KANSL2: variants seen among roughly 807,000 people sequenced by gnomAD.
KANSL2 encodes the protein KAT8 regulatory NSL complex subunit 2, also known as NSL complex protein NSL2.
In KANSL2, 34 loss-of-function variants were observed where a neutral mutation model predicts 55.6. The observed-to-expected ratio is 0.61, with a 90% CI of 0.46 to 0.81. The LOEUF is 0.81. Ranked by LOEUF, KANSL2 falls within the 40% of genes least tolerant of loss-of-function variation. The pLI, the probability that KANSL2 is intolerant of heterozygous loss-of-function variation, is 0.00. For synonymous variants in KANSL2, 209 were observed against 214.3 expected (o/e 0.98, Z 0.22); for missense variants, 502 against 609.9 (o/e 0.82, Z 1.86).
At position 48,674,298 on chromosome 12, in the gene KANSL2, A is replaced by C. The variant is rs575399547; in HGVS notation, c.546-2336T>G. Among the ~76,000 whole-genome samples, 3 of 152,056 alleles carry C rather than the reference A, an allele frequency of 2.0e-5. No homozygotes were observed. In the South Asian group the frequency reaches 6.2e-4, roughly 32 times the overall value. On this transcript the variant is annotated intron_variant, in intron 4 of 9. Coordinates refer to ENST00000420613, the MANE Select transcript of KANSL2 (RefSeq NM_017822.4). ...TGAGATTGCAGGCGTGTGCCACCACACCTGGCTAATTTTTTTATTTTTTGT... is the reference window on the plus strand; with the variant it reads ...TGAGATTGCAGGCGTGTGCCACCACCCCTGGCTAATTTTTTTATTTTTTGT...
At chr12:48,667,365 A>AGGG in intron 7 of KANSL2, 1 of 319,434 alleles carries the variant, frequency 3.1e-6, no homozygotes, top group South Asian at 2.9e-5. Flanking sequence ...TAAATCAGAA[A>AGGG]CCTTGAGACA....
chr12:48,659,963 G>T (rs1018210604), intron 8 of KANSL2, among the ~76,000 whole-genome samples: 3 of 152,180 alleles, frequency 2.0e-5, no homozygotes, highest in Non-Finnish European at 4.4e-5. Context: ...ACAAAAAGTA[G>T]ATTCATCGTG....
intron 7 of KANSL2, among the ~76,000 whole-genome samples, chr12:48,663,238 C>T (rs1287833589): frequency 6.6e-6 from 1 of 152,066 alleles, no homozygotes; most frequent in African/African-American, 2.4e-5. Context: ...TAAAAATTAC[C>T]ATATGAGGAA....
chr12:48,664,175 A>G (rs1592100688), intron 7 of KANSL2, among the ~76,000 whole-genome samples: 1 of 151,990 alleles, frequency 6.6e-6, no homozygotes, highest in Admixed American at 6.6e-5. Flanking sequence ...TCAGCCTCCC[A>G]AAGTGCTGAG....
At chr12:48,679,260 C>CAAA in intron 3 of KANSL2, 110 bp from the exon 4 acceptor site, 1 of 581,530 alleles carries the variant, frequency 1.7e-6, no homozygotes, top group South Asian at 2.0e-5. Context: ...AAAAACAAAA[C>CAAA]AAAAAAAAAA....
At chr12:48,666,564 G>T (rs1024148478) in intron 7 of KANSL2, among the ~76,000 whole-genome samples, 3 of 151,322 alleles carry the variant, frequency 2.0e-5, no homozygotes, top group African/African-American at 7.3e-5. Flanking sequence ...GTGGTGGCAC[G>T]TGCCTGTAAT....
chr12:48,682,071 G>A (rs925362671), intron 1 of KANSL2, 116 bp downstream of exon 1: 7 of 702,924 alleles, frequency 1.0e-5, no homozygotes, highest in Non-Finnish European at 1.8e-5. Flanking sequence ...GAAGCCTGCA[G>A]GAAGGAGACT....
rs375988231 is a variant in KANSL2, at chr12:48,672,042, CTAAG to C, written c.546-84_546-81del. On this transcript the variant is annotated intron_variant, in intron 4 of 9. Coordinates refer to ENST00000420613, the MANE Select transcript of KANSL2 (RefSeq NM_017822.4). ...AGTTTGAAAGAGTAGAGATGTCAGA[CTAAG>C]TTTGTTATTTAACAAGTGGTGACAT... 6.6e-5 allele frequency: 82 copies of C among 1,249,662 alleles called. No individual in the cohort carries two copies. The African/African-American group carries it at 1.0e-3, about 16-fold the overall frequency. The allele number at this position is 1,249,662 out of a possible 1,614,324, so 77.4% of individuals were successfully genotyped here. A position where few individuals can be genotyped will look rare whatever the true frequency, so the allele number is the denominator to read the frequency against.
intron 2 of KANSL2, 117 bp downstream of exon 2, chr12:48,681,265 C>G: frequency 8.8e-6 from 11 of 1,246,794 alleles, no homozygotes; most frequent in Non-Finnish European, 1.2e-5. Flanking sequence ...AGGATACAAC[C>G]ATAACCCCAA....
intron 8 of KANSL2, chr12:48,658,531 G>C (rs1163356566): frequency 6.6e-6 from 1 of 152,080 alleles, no homozygotes; most frequent in Non-Finnish European, 1.5e-5. Flanking sequence ...TGAGGGGAGT[G>C]GATCACCTGA....
intron 7 of KANSL2, chr12:48,662,631 C>T: frequency 7.8e-7 from 1 of 1,287,408 alleles, no homozygotes; most frequent in South Asian, 1.2e-5. Flanking sequence ...GTTAACAGGT[C>T]ACCAATGGCA....
rs1187335703 is a variant in KANSL2, at chr12:48,672,393, G to GTATA, written c.546-435_546-432dup. On this transcript the variant is annotated intron_variant, in intron 4 of 9. Transcript: ENST00000420613. ...TATATATACGTATATATATATACAT[G>GTATA]TATATATATATATACGTATATATAT... Among the ~76,000 whole-genome samples, 465 of 121,252 alleles carry GTATA rather than the reference G, an allele frequency of 3.8e-3. 3 individuals carry two copies. Among genetic ancestry groups the GTATA allele is most frequent in the African/African-American group, 0.014 (420 of 30,932 alleles). 79.5% of individuals were successfully genotyped at this position (121,252 alleles called of 152,430 possible). A position where few individuals can be genotyped will look rare whatever the true frequency, so the allele number is the denominator to read the frequency against.
chr12:48,676,690 A>C (rs1939828708), intron 4 of KANSL2, among the ~76,000 whole-genome samples: 1 of 152,146 alleles, frequency 6.6e-6, no homozygotes, highest in African/African-American at 2.4e-5. Flanking sequence ...TACATGCGTA[A>C]GTCACTACGC....
chr12:48,670,912 G>A (rs1338411472), intron 5 of KANSL2, among the ~76,000 whole-genome samples: 20 of 151,536 alleles, frequency 1.3e-4, no homozygotes, highest in Admixed American at 1.3e-3. Context: ...TGCAGTGAGT[G>A]AGGACTACGC....
chr12:48,655,878 C>T (rs1331770235), intron 8 of KANSL2, among the ~76,000 whole-genome samples: 1 of 152,118 alleles, frequency 6.6e-6, no homozygotes, highest in Admixed American at 6.6e-5. Flanking sequence ...CTGGGTGACA[C>T]AGCAAGACTC....
In KANSL2 at chr12:48,671,822, C is replaced by A. The variant is rs1208632624; in HGVS notation, c.686G>T (p.Arg229Leu). The A allele has an allele frequency of 1.2e-6, 2 of 1,611,588 alleles. No individual in the cohort carries two copies. Among genetic ancestry groups the A allele is most frequent in the Non-Finnish European group, 1.7e-6 (2 of 1,178,620 alleles). Residue 229 changes from arginine (R) to leucine (L), a missense_variant, in exon 5 of 10, where the codon CGC becomes CTC. Coordinates refer to ENST00000420613, the MANE Select transcript of KANSL2 (RefSeq NM_017822.4). ...GCCTAGAGCTTCATGTTCCACTTTG[C>A]GATTATGTAAGTATCGGCGCTTCTT... ...KEKKRRYLHN[R>L]KVEHEALGSS...
chr12:48,677,674 G>A lies in KANSL2; in HGVS notation c.545+1362C>T, dbSNP rs987080993. On this transcript the variant is annotated intron_variant, in intron 4 of 9. Coordinates refer to ENST00000420613, the MANE Select transcript of KANSL2 (RefSeq NM_017822.4). Reference sequence around the variant, plus strand: ...TGGGTGCCTATAATCCCAGCTACTTGGGAGGGAGGCTGAGGCAGGAGAATT... The same window carrying A: ...TGGGTGCCTATAATCCCAGCTACTTAGGAGGGAGGCTGAGGCAGGAGAATT... Among the ~76,000 whole-genome samples the A allele has an allele frequency of 6.0e-5, 9 of 151,214 alleles. No homozygotes were observed. The East Asian group carries it at 1.2e-3, about 20-fold the overall frequency.
intron 9 of KANSL2, 74 bp downstream of exon 9, chr12:48,654,867 G>A (rs2137171876): frequency 1.4e-6 from 2 of 1,472,328 alleles, no homozygotes; most frequent in Non-Finnish European, 1.8e-6. Context: ...AGGAGCACAT[G>A]CTATCTAGCA....
intron 7 of KANSL2, 96 bp from the exon 8 acceptor site, chr12:48,660,715 A>ATATAAGATAAATTACAAC: frequency 8.3e-7 from 1 of 1,211,256 alleles, no homozygotes. Context: ...GGTGTGGACT[A>ATATAAGATAAATTACAAC]TATAAGATAA....
Sources: gnomAD v4.1 joint callset for allele counts (sites outside exome capture counted in the v4.1 genomes callset) on GRCh38, gnomAD v4.1.1 for gene constraint, MANE v1.5 for transcripts, NCBI Gene and HGNC (gene_info 2026-07-23, HGNC 2026-07-21) for gene names.